The following PIP4P2 variants were observed in gnomAD, a reference collection of about 807,000 sequenced individuals.
PIP4P2 encodes type 2 phosphatidylinositol 4,5-bisphosphate 4-phosphatase.
Under a neutral mutation model 33.3 loss-of-function variants are expected in PIP4P2, and 19 were observed. That is an observed-to-expected ratio of 0.57 (90% CI 0.40 to 0.84). PIP4P2 has a LOEUF of 0.84. PIP4P2 is among the 40% of genes least tolerant of loss of function. PIP4P2 has a pLI of 0.00. For synonymous variants in PIP4P2, 110 were observed against 111.9 expected, an observed-to-expected ratio of 0.98 and a Z score of 0.11; for missense variants, 270 against 324.7, an observed-to-expected ratio of 0.83 and a Z score of 1.29.
rs1424650654 is a variant in PIP4P2, at chr8:90,995,479, T to G, written c.*198A>C. 4.2e-6 allele frequency: 2 copies of G among 478,578 alleles called. No individual in the cohort carries two copies. Among genetic ancestry groups the G allele is most frequent in the Non-Finnish European group, 6.5e-6 (2 of 308,300 alleles). 29.6% of individuals were successfully genotyped at this position (478,578 alleles called of 1,614,324 possible). ...CATGAAAAGGCTTTATTATTCAAAT[T>G]TTGAAAACCTAGCAGCAAAACAATT... is the stretch of plus-strand genomic sequence containing the variant. On this transcript the variant is annotated 3_prime_UTR_variant, in exon 7 of 7. Transcript: ENST00000285419.
intron 5 of PIP4P2, among the ~76,000 whole-genome samples, chr8:90,998,364 T>C (rs1811656745): frequency 6.6e-6 from 1 of 151,984 alleles, no homozygotes; most frequent in African/African-American, 2.4e-5. Context: ...TTTTCATCAC[T>C]CAAATTAAAT....
At chr8:91,024,409 A>C (rs887954054) in intron 1 of PIP4P2, 7 of 382,742 alleles carry the variant, frequency 1.8e-5, no homozygotes, top group African/African-American at 6.3e-5. Context: ...ATGATTAATA[A>C]TTGGATTATT....
chr8:91,018,420 G>A lies in PIP4P2; in HGVS notation c.456C>T (p.Val152=), dbSNP rs780455042. The A allele has an allele frequency of 6.8e-6, 11 of 1,613,796 alleles. No homozygotes were observed. The highest frequency in any genetic ancestry group is 9.3e-6 in the Non-Finnish European group (11 of 1,179,914). Residue 152 remains valine (V), a synonymous_variant, in exon 4 of 7, where the codon GTC becomes GTT. Coordinates refer to ENST00000285419, the MANE Select transcript of PIP4P2 (RefSeq NM_018710.3). ...ATGTGTTTCCACAGTGCCCACACAC[G>A]ACCCTTGTACCTTCTGGTTGGATTG... ...ALPIQPEGTR[V]VCGHCGNTFL...
chr8:91,020,718 A>G (rs1379532203), intron 2 of PIP4P2, among the ~76,000 whole-genome samples: 1 of 152,204 alleles, frequency 6.6e-6, no homozygotes, highest in African/African-American at 2.4e-5. Context: ...AATATTTTAA[A>G]CATTCCTAAA....
chr8:91,000,132 C>T (rs1290765551), intron 5 of PIP4P2, among the ~76,000 whole-genome samples: 3 of 151,942 alleles, frequency 2.0e-5, no homozygotes, highest in Non-Finnish European at 4.4e-5. Flanking sequence ...AATCCATCTT[C>T]CTGATAAATA....
chr8:91,027,167 T>C (rs1812095869), intron 1 of PIP4P2, among the ~76,000 whole-genome samples: 1 of 152,236 alleles, frequency 6.6e-6, no homozygotes, highest in African/African-American at 2.4e-5. Flanking sequence ...TTCCACAGCC[T>C]TACTAGGTAA....
At chr8:90,997,410 T>C (rs955990560) in intron 5 of PIP4P2, among the ~76,000 whole-genome samples, 2 of 152,104 alleles carry the variant, frequency 1.3e-5, no homozygotes, top group South Asian at 2.1e-4. Flanking sequence ...TTTAAAAGCA[T>C]TGTGCTTATT....
intron 1 of PIP4P2, among the ~76,000 whole-genome samples, chr8:91,039,566 A>G (rs993663029): frequency 6.6e-6 from 1 of 152,212 alleles, no homozygotes; most frequent in African/African-American, 2.4e-5. Flanking sequence ...AAGAAACATT[A>G]CCTACTTATA....
intron 1 of PIP4P2, among the ~76,000 whole-genome samples, chr8:91,036,700 T>C (rs1304885369): frequency 6.6e-6 from 1 of 152,252 alleles, no homozygotes; most frequent in East Asian, 1.9e-4. Flanking sequence ...GTTTAAAAAC[T>C]AATAATAAAG....
intron 5 of PIP4P2, among the ~76,000 whole-genome samples, chr8:91,004,047 G>T (rs1179641796): frequency 6.6e-6 from 1 of 152,054 alleles, no homozygotes; most frequent in Non-Finnish European, 1.5e-5. Context: ...AAGGAAATTG[G>T]CTACTGTGAT....
In PIP4P2 at chr8:91,008,804, TA is replaced by T; in HGVS notation, c.487-10del. On this transcript the variant is annotated splice_polypyrimidine_tract_variant and intron_variant, in intron 4 of 6. Coordinates refer to ENST00000285419, the MANE Select transcript of PIP4P2 (RefSeq NM_018710.3). ...AACCTCAGTTCCATCCACTGTAAAA[TA>T]AACAAAGAGAGGAATTGAAAAGAAA... 1 of 1,595,046 alleles carries T rather than the reference TA, an allele frequency of 6.3e-7. No homozygotes were observed.
Position 91,040,656 on chromosome 8 carries a change from T to G in PIP4P2, c.94A>C (p.Ser32Arg), listed in dbSNP as rs1812293136. The change falls in exon 1 of 7, where the codon AGC becomes CGC. Residue 32 changes from serine (S) to arginine (R), a missense_variant. Coordinates refer to ENST00000285419, the MANE Select transcript of PIP4P2 (RefSeq NM_018710.3). ...ACGCTGGCCTTACCTCTGGGGCTGC[T>G]TTCTTGCAAGTACGGTGGGGCGGTG... ...TPTAPPYLQE[S>R]SPRAELPPPY... 1 of 1,613,772 alleles carries G rather than the reference T, an allele frequency of 6.2e-7. No individual in the cohort carries two copies. The highest frequency in any genetic ancestry group is 1.7e-5 in the Admixed American group (1 of 60,034).
intron 1 of PIP4P2, among the ~76,000 whole-genome samples, chr8:91,036,252 G>C (rs1013081078): frequency 1.4e-4 from 19 of 138,532 alleles, no homozygotes; most frequent in Non-Finnish European, 4.7e-5. Context: ...ATGACAACCG[G>C]ATCTACACTA....
Position 91,021,372 on chromosome 8 carries a change from T to C in PIP4P2, c.139A>G (p.Ser47Gly). The C allele has an allele frequency of 6.2e-7, 1 of 1,613,840 alleles. No individual in the cohort carries two copies. The highest frequency in any genetic ancestry group is 8.5e-7 in the Non-Finnish European group (1 of 1,179,804). Reference protein sequence around the residue: ...ELPPPYTAIASPDASGIPVIN... With the variant: ...ELPPPYTAIAGPDASGIPVIN... Reference sequence around the variant, plus strand: ...ACTGGAATACCACTGGCGTCTGGACTGGCAATGGCTGTATATGGAGGTGGG... The same window carrying C: ...ACTGGAATACCACTGGCGTCTGGACCGGCAATGGCTGTATATGGAGGTGGG... Residue 47 changes from serine to glycine, a missense_variant, in exon 2 of 7, where the codon AGT becomes GGT. Ser to Gly is a moderately conservative substitution (Grantham distance 56). Coordinates refer to ENST00000285419, the MANE Select transcript of PIP4P2 (RefSeq NM_018710.3).
chr8:91,004,271 GAA>G (rs1375790916), intron 5 of PIP4P2, among the ~76,000 whole-genome samples: 1 of 152,070 alleles, frequency 6.6e-6, no homozygotes, highest in East Asian at 1.9e-4. Context: ...TCAAGGGCAG[GAA>G]AAGAGTGTCC....
chr8:91,037,689 C>T (rs568955313), intron 1 of PIP4P2, among the ~76,000 whole-genome samples: 39 of 152,252 alleles, frequency 2.6e-4, no homozygotes, highest in African/African-American at 8.9e-4. Context: ...AACTGTCTGC[C>T]TCTGTATAAC....
intron 1 of PIP4P2, among the ~76,000 whole-genome samples, chr8:91,036,446 A>G (rs907494518): frequency 6.6e-6 from 1 of 152,146 alleles, no homozygotes; most frequent in Admixed American, 6.5e-5. Flanking sequence ...ATGACGTTGC[A>G]TAGCCAGAAT....
At chr8:91,017,062 G>A (rs1245584755) in intron 4 of PIP4P2, among the ~76,000 whole-genome samples, 10 of 152,116 alleles carry the variant, frequency 6.6e-5, no homozygotes. Flanking sequence ...AATTTGACTG[G>A]GAGTATGAAA....
intron 1 of PIP4P2, among the ~76,000 whole-genome samples, chr8:91,038,271 AAAAG>A (rs1812259564): frequency 6.6e-6 from 1 of 152,250 alleles, no homozygotes; most frequent in African/African-American, 2.4e-5. Context: ...TTTAGAAGGT[AAAAG>A]AAAGAGAAAG....
Sources: allele counts gnomAD v4.1 joint callset (sites outside exome capture counted in the v4.1 genomes callset), GRCh38; gene constraint gnomAD v4.1.1; transcripts MANE v1.5; gene names NCBI Gene and HGNC (gene_info 2026-07-23, HGNC 2026-07-21).